Variants in KCNB2 observed in about 807,000 individuals in gnomAD.
The protein encoded by KCNB2 is delayed rectifier potassium channel protein.
KCNB2 carries 15 observed loss-of-function variants against 61.5 expected under a neutral mutation model. The observed-to-expected ratio is 0.24, with a 90% confidence interval of 0.16 to 0.38. The LOEUF (loss-of-function observed/expected upper bound fraction) is 0.38, where lower values mean the gene tolerates loss of function less well. KCNB2 is among the 10% of genes least tolerant of loss of function. The pLI, the probability that KCNB2 is intolerant of heterozygous loss-of-function variation, is 1.00. For missense variants in KCNB2, 828 were observed against 1,125.2 expected (o/e 0.74, Z 3.78); for synonymous variants, 457 against 446.0 (o/e 1.02, Z -0.31).
chr8:72,653,363 G>A (rs1806241409), intron 2 of KCNB2, among the ~76,000 whole-genome samples: 1 of 152,110 alleles, frequency 6.6e-6, no homozygotes, highest in South Asian at 2.1e-4. Flanking sequence ...TCTTCTCAAG[G>A]AATAGTTCCT....
At chr8:72,925,013 T>C (rs917084233) in intron 2 of KCNB2, among the ~76,000 whole-genome samples, 2 of 152,358 alleles carry the variant, frequency 1.3e-5, no homozygotes, top group East Asian at 1.9e-4. Context: ...TTCTATTTTC[T>C]GGCATTGTGT....
chr8:72,628,405 G>GTGTA (rs1805827362), intron 2 of KCNB2, among the ~76,000 whole-genome samples: 2 of 23,970 alleles, frequency 8.3e-5, no homozygotes, highest in Non-Finnish European at 2.2e-4. Context: ...TAGGGGGTGT[G>GTGTA]TGTGTGTGTG....
chr8:72,776,309 GT>G (rs1159949562), intron 2 of KCNB2, among the ~76,000 whole-genome samples: 2 of 151,746 alleles, frequency 1.3e-5, no homozygotes, highest in Admixed American at 1.3e-4. Context: ...TAAATGATGA[GT>G]TAATGGGTGC....
chr8:72,936,990 T>A lies in KCNB2; in HGVS notation c.1635T>A (p.Asn545Lys). The A allele has an allele frequency of 6.2e-7, 1 of 1,614,014 alleles. No individual in the cohort carries two copies. Among genetic ancestry groups the A allele is most frequent in the South Asian group, 1.1e-5 (1 of 91,060 alleles). ...LSAQKLEMLY[N>K]EITKTQPHSH... ...CCCAGAAACTGGAGATGCTATACAA[T>A]GAAATCACCAAGACACAGCCTCATT... The change falls in exon 3 of 3, where the codon AAT (asparagine) becomes AAA (lysine). Residue 545 changes from asparagine to lysine, a missense_variant. By Grantham distance (94) the Asn-to-Lys change is moderately conservative. This residue lies in a region of KCNB2 where 559 missense variants were observed against 588.4 expected (regional missense o/e 0.95). Coordinates refer to ENST00000523207, the MANE Select transcript of KCNB2 (RefSeq NM_004770.3). The surrounding 1 kb of genome is among the most constrained non-coding windows in gnomAD (Gnocchi z 5.6).
At position 72,830,227 on chromosome 8, in the gene KCNB2, CAA is replaced by C. The variant is rs543474001; in HGVS notation, c.580-105686_580-105685del. Among the ~76,000 whole-genome samples, 791 of 83,436 alleles carry C rather than the reference CAA, an allele frequency of 9.5e-3. 2 individuals are homozygous for C. Among genetic ancestry groups the C allele is most frequent in the East Asian group, 0.049 (106 of 2,144 alleles). The allele number at this position is 83,436 out of a possible 152,430, so 54.7% of individuals were successfully genotyped here. On this transcript the variant is annotated intron_variant, in intron 2 of 2. Coordinates refer to ENST00000523207, the MANE Select transcript of KCNB2 (RefSeq NM_004770.3). ...AGCTGAAAAATGTCTTCATATTTTC[CAA>C]AAAAAAAAAAAAAAAAAAAAAGCAG...
intron 2 of KCNB2, among the ~76,000 whole-genome samples, chr8:72,898,880 G>A (rs1423643725): frequency 6.6e-6 from 1 of 152,114 alleles, no homozygotes; most frequent in Non-Finnish European, 1.5e-5. Flanking sequence ...TCCCACTTGT[G>A]AGAATATGCA....
intron 2 of KCNB2, among the ~76,000 whole-genome samples, chr8:72,712,263 A>G (rs1335488608): frequency 6.6e-6 from 1 of 152,232 alleles, no homozygotes; most frequent in Non-Finnish European, 1.5e-5. Flanking sequence ...TTTTAAGGAC[A>G]TGCCAGGTGC....
intron 2 of KCNB2, among the ~76,000 whole-genome samples, chr8:72,588,677 T>G (rs1193356518): frequency 6.6e-6 from 1 of 151,920 alleles, no homozygotes; most frequent in African/African-American, 2.4e-5. Context: ...GAAGATTGCA[T>G]GAGGCCAGGA....
chr8:72,722,159 A>T (rs191313284), intron 2 of KCNB2, among the ~76,000 whole-genome samples: 1 of 152,042 alleles, frequency 6.6e-6, no homozygotes. Context: ...TACCACCATC[A>T]TCTGTGCAGG....
intron 2 of KCNB2, among the ~76,000 whole-genome samples, chr8:72,578,160 T>C (rs976090406): frequency 6.6e-5 from 10 of 152,222 alleles, no homozygotes; most frequent in Non-Finnish European, 1.2e-4. Context: ...TGTGATAAAT[T>C]AGATGTATTT....
At chr8:72,581,918 G>A (rs1192863463) in intron 2 of KCNB2, among the ~76,000 whole-genome samples, 1 of 152,168 alleles carries the variant, frequency 6.6e-6, no homozygotes, top group Non-Finnish European at 1.5e-5. Flanking sequence ...TGTAGCCTTT[G>A]TGTGGAGGAG....
intron 2 of KCNB2, among the ~76,000 whole-genome samples, chr8:72,783,442 A>T (rs1808797254): frequency 6.6e-6 from 1 of 152,080 alleles, no homozygotes; most frequent in Non-Finnish European, 1.5e-5. Context: ...GCCCTTGAGT[A>T]TGCAGGTTTC....
intron 2 of KCNB2, among the ~76,000 whole-genome samples, chr8:72,703,480 A>T (rs1807167802): frequency 6.6e-6 from 1 of 152,176 alleles, no homozygotes; most frequent in Admixed American, 6.5e-5. Context: ...CAGTTGGGGC[A>T]AGGGGCACTG....
intron 2 of KCNB2, among the ~76,000 whole-genome samples, chr8:72,834,052 A>G (rs2129002053): frequency 6.6e-6 from 1 of 152,352 alleles, no homozygotes; most frequent in Non-Finnish European, 1.5e-5. Context: ...TTAAAATAAT[A>G]GTACACTGAG....
intron 2 of KCNB2, among the ~76,000 whole-genome samples, chr8:72,631,083 TAATAA>T (rs1238938245): frequency 6.6e-6 from 1 of 152,148 alleles, no homozygotes; most frequent in Non-Finnish European, 1.5e-5. Flanking sequence ...CAATAACTAA[TAATAA>T]AATAAAACAG....
intron 1 of KCNB2, among the ~76,000 whole-genome samples, chr8:72,561,936 T>A (rs1429594516): frequency 1.3e-5 from 2 of 151,158 alleles, no homozygotes; most frequent in Non-Finnish European, 2.9e-5. Flanking sequence ...ACAGTTACAA[T>A]GCCTTTCTCT....
At chr8:72,671,143 A>G (rs1045896172) in intron 2 of KCNB2, among the ~76,000 whole-genome samples, 1 of 152,148 alleles carries the variant, frequency 6.6e-6, no homozygotes, top group Admixed American at 6.6e-5. Context: ...TTGAGTTTTT[A>G]TCTAGCCTGT....
chr8:72,690,105 A>G (rs1806917020), intron 2 of KCNB2, among the ~76,000 whole-genome samples: 1 of 152,164 alleles, frequency 6.6e-6, no homozygotes, highest in Non-Finnish European at 1.5e-5. Context: ...GCTATAAGAA[A>G]TATATTTTTT....
rs114148959 is a variant in KCNB2, at chr8:72,937,521, T to C, written c.2166T>C (p.Asn722=). The C allele has an allele frequency of 6.1e-4, 989 of 1,613,226 alleles. 7 individuals are homozygous for C. In the African/African-American group the frequency reaches 0.011, roughly 18 times the overall value. Residue 722 remains asparagine (N), a synonymous_variant, in exon 3 of 3, where the codon AAT becomes AAC. Transcript: ENST00000523207. ...SRSLKVNFKE[N]RGSAPQTPPS... is the part of the protein sequence containing the mutation. ...CCCTCAAAGTGAACTTTAAGGAAAA[T>C]AGAGGCAGTGCACCACAGACCCCGC...
Sources: gnomAD v4.1 joint callset for allele counts (sites outside exome capture counted in the v4.1 genomes callset) on GRCh38, gnomAD v4.1.1 for gene constraint, gnomAD v4.1.1 regional missense constraint, Gnocchi (gnomAD v3.1) non-coding constraint, MANE v1.5 for transcripts, NCBI Gene and HGNC (gene_info 2026-07-23, HGNC 2026-07-21) for gene names.